Variants in SHTN1 observed in about 807,000 individuals in gnomAD.
SHTN1 encodes shootin-1.
SHTN1 carries 42 observed loss-of-function variants against 83.1 expected under a neutral mutation model. The ratio of observed to expected loss-of-function variants is 0.51; its 90% CI spans 0.39 to 0.65. The LOEUF is 0.65. Among genes scored for constraint, SHTN1 ranks in the 30% least tolerant of loss-of-function variants. SHTN1 has a pLI of 0.00. For synonymous variants in SHTN1, 224 were observed against 247.7 expected (o/e 0.90, Z 0.90); for missense variants, 622 against 737.8 (o/e 0.84, Z 1.82).
intron 12 of SHTN1, among the ~76,000 whole-genome samples, chr10:116,919,893 T>C (rs1848494004): frequency 6.6e-6 from 1 of 151,932 alleles, no homozygotes. Context: ...CTTTCATTTG[T>C]AATGGTGCTG....
intron 1 of SHTN1, among the ~76,000 whole-genome samples, chr10:117,113,472 T>C (rs1220997401): frequency 6.6e-6 from 1 of 152,208 alleles, no homozygotes; most frequent in Non-Finnish European, 1.5e-5. Context: ...AGTTTGCTTC[T>C]AAGTGCCCCA....
intron 1 of SHTN1, among the ~76,000 whole-genome samples, chr10:117,099,007 T>TACACACACACAC (rs1320426265): frequency 6.9e-5 from 3 of 43,172 alleles, no homozygotes; most frequent in Non-Finnish European, 1.4e-4. Flanking sequence ...ATGTGGTATG[T>TACACACACACAC]ATACACACAC....
chr10:116,999,523 A>G (rs1189222138), intron 1 of SHTN1, among the ~76,000 whole-genome samples: 1 of 152,230 alleles, frequency 6.6e-6, no homozygotes, highest in Non-Finnish European at 1.5e-5. Flanking sequence ...AATGAAATAA[A>G]GATTGAGAAA....
intron 6 of SHTN1, among the ~76,000 whole-genome samples, chr10:116,951,283 C>T (rs988855106): frequency 1.1e-4 from 17 of 152,028 alleles, no homozygotes; most frequent in Non-Finnish European, 2.1e-4. Context: ...ATCAGGCAGG[C>T]GTGGTGACGC....
chr10:117,110,304 A>T (rs185082471), intron 1 of SHTN1, among the ~76,000 whole-genome samples: 48 of 152,190 alleles, frequency 3.2e-4, no homozygotes, highest in Non-Finnish European at 5.6e-4. Context: ...AAAATCAAAG[A>T]GGCAGTCTTG....
chr10:117,061,711 T>C (rs1852906577), intron 1 of SHTN1, among the ~76,000 whole-genome samples: 1 of 152,134 alleles, frequency 6.6e-6, no homozygotes, highest in African/African-American at 2.4e-5. Flanking sequence ...CCTCAGGTGA[T>C]CCGCCTGCCT....
At chr10:116,954,696 C>A (rs1443627006) in intron 4 of SHTN1, among the ~76,000 whole-genome samples, 1 of 152,152 alleles carries the variant, frequency 6.6e-6, no homozygotes, top group African/African-American at 2.4e-5. Context: ...TTGGCCACAG[C>A]GAATTAGTCC....
intron 2 of SHTN1, among the ~76,000 whole-genome samples, chr10:117,023,050 A>G (rs1288380345): frequency 6.6e-6 from 1 of 152,268 alleles, no homozygotes; most frequent in Non-Finnish European, 1.5e-5. Flanking sequence ...ATTTGACTTA[A>G]GAATTTAATA....
intron 16 of SHTN1, among the ~76,000 whole-genome samples, chr10:116,888,757 A>G (rs896115847): frequency 2.6e-5 from 4 of 152,192 alleles, no homozygotes; most frequent in Admixed American, 6.5e-5. Flanking sequence ...CACAAGCTAT[A>G]ACAGAGCCTG....
At chr10:116,910,117 T>A (rs1303756750) in intron 14 of SHTN1, among the ~76,000 whole-genome samples, 8 of 152,158 alleles carry the variant, frequency 5.3e-5, no homozygotes, top group African/African-American at 1.9e-4. Flanking sequence ...CTTATAAGAA[T>A]GTGTGTGGTT....
At position 116,940,601 on chromosome 10, in the gene SHTN1, C is replaced by T; in HGVS notation, c.723G>A (p.Glu241=). Residue 241 remains glutamate, a synonymous_variant, in exon 9 of 17, where the codon GAG becomes GAA. Coordinates refer to ENST00000355371, the MANE Select transcript of SHTN1 (RefSeq NM_001127211.3). The part of the protein sequence containing the change: ...AESFAQEMFI[E]QNKLKRQSHL... ...GGCTTTGTCTCTTTAGCTTGTTTTG[C>T]TCAATGAACATCTGCAAAAGTTTGT... is the stretch of plus-strand genomic sequence containing the variant. 6.2e-7 allele frequency: 1 copy of T among 1,604,946 alleles called. No individual in the cohort carries two copies. Among genetic ancestry groups the T allele is most frequent in the Non-Finnish European group, 8.5e-7 (1 of 1,174,640 alleles).
intron 11 of SHTN1, among the ~76,000 whole-genome samples, chr10:116,923,027 T>C (rs982550319): frequency 6.6e-6 from 1 of 151,930 alleles, no homozygotes; most frequent in Non-Finnish European, 1.5e-5. Flanking sequence ...CAATGATACA[T>C]GAAAATTCCA....
intron 1 of SHTN1, among the ~76,000 whole-genome samples, chr10:117,092,278 T>C (rs574405303): frequency 6.6e-6 from 1 of 152,310 alleles, no homozygotes; most frequent in African/African-American, 2.4e-5. Flanking sequence ...GGTTATAACT[T>C]TGGCCTCTCA....
chr10:117,016,144 G>A (rs1852177188), intron 2 of SHTN1, among the ~76,000 whole-genome samples: 1 of 152,022 alleles, frequency 6.6e-6, no homozygotes, highest in Admixed American at 6.6e-5. Flanking sequence ...TCTTACACAG[G>A]TTCAAAAATG....
Position 116,881,893 on chromosome 10 carries a change from T to C in SHTN1, c.*4451A>G, listed in dbSNP as rs567338595. On this transcript the variant is annotated 3_prime_UTR_variant, in exon 17 of 17. Transcript: ENST00000355371. ...CACCACACTTCCATGTGGATTTTGT[T>C]TGTCTATTAGCTCTCCTGTCCATTT... The C allele has an allele frequency of 2.8e-5, 11 of 393,486 alleles. No individual in the cohort carries two copies. Among genetic ancestry groups the C allele is most frequent in the South Asian group, 1.0e-4 (1 of 9,714 alleles). 24.4% of individuals were successfully genotyped at this position (393,486 alleles called of 1,614,324 possible).
chr10:117,066,024 C>A (rs1304542920), intron 1 of SHTN1, among the ~76,000 whole-genome samples: 2 of 151,534 alleles, frequency 1.3e-5, no homozygotes, highest in Non-Finnish European at 2.9e-5. Flanking sequence ...ATGATTTCAC[C>A]ACTGCACTCC....
intron 2 of SHTN1, among the ~76,000 whole-genome samples, chr10:117,042,614 C>T (rs1263823518): frequency 1.3e-5 from 2 of 149,338 alleles, no homozygotes; most frequent in African/African-American, 5.0e-5. Flanking sequence ...ACCAGTAGCA[C>T]CTATGCAACA....
intron 1 of SHTN1, among the ~76,000 whole-genome samples, chr10:116,988,335 C>T (rs1487839691): frequency 6.6e-6 from 1 of 151,710 alleles, no homozygotes; most frequent in African/African-American, 2.4e-5. Context: ...CACAATCAAT[C>T]ATACACAAAT....
At chr10:116,990,781 G>T (rs1305676109) in intron 1 of SHTN1, among the ~76,000 whole-genome samples, 1 of 152,048 alleles carries the variant, frequency 6.6e-6, no homozygotes, top group African/African-American at 2.4e-5. Context: ...TCTCTTGGTG[G>T]CACACAGGTT....
Sources: allele counts gnomAD v4.1 joint callset (sites outside exome capture counted in the v4.1 genomes callset), GRCh38; gene constraint gnomAD v4.1.1; transcripts MANE v1.5; gene names NCBI Gene and HGNC (gene_info 2026-07-23, HGNC 2026-07-21).